Variants in GNB1L observed in about 807,000 individuals in gnomAD.
GNB1L encodes guanine nucleotide-binding protein subunit beta-like protein 1.
Under a neutral mutation model 29.1 loss-of-function variants are expected in GNB1L, and 20 were observed. The observed-to-expected ratio is 0.69, with a 90% CI of 0.48 to 1.00. GNB1L has a LOEUF of 1.00. Ranked by LOEUF, GNB1L falls within the 50% of genes least tolerant of loss-of-function variation. The pLI, the probability that GNB1L is intolerant of heterozygous loss-of-function variation, is 0.00. For synonymous variants in GNB1L, 193 were observed against 206.5 expected, an observed-to-expected ratio of 0.93 and a Z score of 0.56; for missense variants, 421 against 464.9, an observed-to-expected ratio of 0.91 and a Z score of 0.87.
intron 2 of GNB1L, chr22:19,851,884 G>A (rs1181921773): frequency 6.2e-7 from 1 of 1,614,062 alleles, no homozygotes; most frequent in Non-Finnish European, 8.5e-7. Context: ...CAAAGTGGAA[G>A]GACATGTAAT....
At position 19,816,637 on chromosome 22, in the gene GNB1L, A is replaced by G. The variant is rs1937526078; in HGVS notation, c.254+3961T>C. 6.6e-6 allele frequency among the ~76,000 whole-genome samples: 1 copy of G among 151,934 alleles called. No homozygotes were observed. The highest frequency in any genetic ancestry group is 2.1e-4 in the South Asian group (1 of 4,816). On this transcript the variant is annotated intron_variant, in intron 4 of 7. Coordinates refer to ENST00000329517, the MANE Select transcript of GNB1L (RefSeq NM_053004.3). The surrounding 1 kb of genome is among the most constrained non-coding windows in gnomAD (Gnocchi z 4.4). ...CAATCACACACACCACACACCTCAT[A>G]CACACCTCACATACATACACACCAC...
rs34331843 is a variant in GNB1L, at chr22:19,847,804, C to CAAAAAAAAAAAAAAA, written c.-21+6624_-21+6638dup. ...ACTTTTAAAATCCTGGAATCATAGG[C>CAAAAAAAAAAAAAAA]AAAAAAAAAAAAAAAAAAAAATTCA... On this transcript the variant is annotated intron_variant, in intron 2 of 7. Coordinates refer to ENST00000329517, the MANE Select transcript of GNB1L (RefSeq NM_053004.3). The CAAAAAAAAAAAAAAA allele has an allele frequency of 5.7e-4, 349 of 612,094 alleles. 6 individuals carry two copies. The highest frequency in any genetic ancestry group is 9.2e-4 in the Middle Eastern group (1 of 1,086). The allele number at this position is 612,094 out of a possible 1,614,324, so 37.9% of individuals were successfully genotyped here.
chr22:19,800,011 C>T (rs958764832), intron 7 of GNB1L, among the ~76,000 whole-genome samples: 3 of 152,224 alleles, frequency 2.0e-5, no homozygotes, highest in African/African-American at 7.2e-5. Context: ...GCAGGGGAAA[C>T]GCCTCTCCTT....
intron 4 of GNB1L, among the ~76,000 whole-genome samples, chr22:19,819,000 C>T (rs921216372): frequency 2.0e-5 from 3 of 152,210 alleles, no homozygotes; most frequent in African/African-American, 7.2e-5. Flanking sequence ...TCTGCTGCTT[C>T]CTGGCCTACC....
At chr22:19,850,566 A>T (rs1938070644) in intron 2 of GNB1L, 49 of 1,133,636 alleles carry the variant, frequency 4.3e-5, no homozygotes, top group Non-Finnish European at 5.2e-5. Flanking sequence ...GCTGCCCAGA[A>T]CTGCTGGTAA....
intron 2 of GNB1L, among the ~76,000 whole-genome samples, chr22:19,826,040 A>G (rs1199744163): frequency 1.3e-5 from 2 of 152,238 alleles, no homozygotes; most frequent in African/African-American, 4.8e-5. Context: ...GAGGCCAAAC[A>G]CTAAGTAAAA....
At chr22:19,790,129 T>C (rs984790153) in intron 7 of GNB1L, among the ~76,000 whole-genome samples, 3 of 152,254 alleles carry the variant, frequency 2.0e-5, no homozygotes, top group African/African-American at 7.2e-5. Flanking sequence ...CCATAAGCTG[T>C]TCTTGAAAGA....
rs1937522685 is a variant in GNB1L at position 19,816,112 on chromosome 22, C to A, written c.255-3665G>T. ...GGCCTGTGTGGGGCCTCGCGGGGCCCCGGCTGCCTCTGCCCCCTGCATGGC... is the reference window on the plus strand; with the variant it reads ...GGCCTGTGTGGGGCCTCGCGGGGCCACGGCTGCCTCTGCCCCCTGCATGGC... On this transcript the variant is annotated intron_variant, in intron 4 of 7. Coordinates refer to ENST00000329517, the MANE Select transcript of GNB1L (RefSeq NM_053004.3). This position sits in a 1 kb window ranked among gnomAD's most constrained non-coding sequence, Gnocchi z 4.4. Among the ~76,000 whole-genome samples the A allele has an allele frequency of 6.6e-6, 1 of 152,160 alleles. No homozygotes were observed. The highest frequency in any genetic ancestry group is 1.5e-5 in the Non-Finnish European group (1 of 68,014).
chr22:19,793,363 T>G (rs943966371), intron 7 of GNB1L, among the ~76,000 whole-genome samples: 1 of 152,134 alleles, frequency 6.6e-6, no homozygotes, highest in African/African-American at 2.4e-5. Flanking sequence ...GTCAGTGAAC[T>G]GGAAGACAGA....
chr22:19,821,718 A>G (rs918929849), intron 2 of GNB1L, among the ~76,000 whole-genome samples: 6 of 152,172 alleles, frequency 3.9e-5, no homozygotes, highest in Non-Finnish European at 7.4e-5. Context: ...CACCTGAGCC[A>G]TCCCTGAGTG....
intron 5 of GNB1L, among the ~76,000 whole-genome samples, chr22:19,808,591 T>C (rs771221436): frequency 3.3e-5 from 5 of 152,198 alleles, no homozygotes; most frequent in Non-Finnish European, 7.3e-5. Context: ...CATGGAAATA[T>C]AGGAACATTG....
intron 4 of GNB1L, among the ~76,000 whole-genome samples, chr22:19,814,096 A>G (rs1162632169): frequency 6.6e-6 from 1 of 152,338 alleles, no homozygotes; most frequent in East Asian, 1.9e-4. Flanking sequence ...TAGCCCAAAG[A>G]AAGAAGTAAA....
chr22:19,792,197 C>G, intron 7 of GNB1L: 1 of 589,074 alleles, frequency 1.7e-6, no homozygotes, highest in East Asian at 2.8e-5. Flanking sequence ...AAACTGACCC[C>G]AAAATGGCAG....
intron 2 of GNB1L, among the ~76,000 whole-genome samples, chr22:19,852,988 G>C (rs76581862): frequency 4.9e-4 from 74 of 152,266 alleles, no homozygotes; most frequent in Non-Finnish European, 1.0e-3. Flanking sequence ...CAAAAACTCT[G>C]AACAACGCAC....
At chr22:19,789,990 G>A (rs1004192892) in intron 7 of GNB1L, among the ~76,000 whole-genome samples, 3 of 152,204 alleles carry the variant, frequency 2.0e-5, no homozygotes, top group African/African-American at 7.2e-5. Context: ...AAGGGATGAC[G>A]GGGTGATGCC....
intron 7 of GNB1L, among the ~76,000 whole-genome samples, chr22:19,789,181 C>G (rs887661855): frequency 6.6e-6 from 1 of 152,182 alleles, no homozygotes; most frequent in South Asian, 2.1e-4. Context: ...CCCTGCTGCT[C>G]CTCGCACCAG....
At chr22:19,821,447 A>G in intron 2 of GNB1L, 72 bp from the exon 3 acceptor site, 1 of 1,434,516 alleles carries the variant, frequency 7.0e-7, no homozygotes, top group Admixed American at 1.8e-5. Flanking sequence ...GCTCAGGCAC[A>G]GGGGTGCTTG....
intron 2 of GNB1L, among the ~76,000 whole-genome samples, chr22:19,838,745 C>G (rs1022761268): frequency 6.6e-6 from 1 of 152,182 alleles, no homozygotes; most frequent in South Asian, 2.1e-4. Flanking sequence ...AGGCATGAAC[C>G]ACTGTGCCCA....
At chr22:19,849,285 C>G in intron 2 of GNB1L, 3 of 982,962 alleles carry the variant, frequency 3.1e-6, no homozygotes, top group Non-Finnish European at 3.6e-6. Flanking sequence ...ATAAAACCAT[C>G]TGAACCCAGA....
Sources: gnomAD v4.1 joint callset for allele counts (sites outside exome capture counted in the v4.1 genomes callset) on GRCh38, gnomAD v4.1.1 for gene constraint, Gnocchi (gnomAD v3.1) non-coding constraint, MANE v1.5 for transcripts, NCBI Gene and HGNC (gene_info 2026-07-23, HGNC 2026-07-21) for gene names.